The following SYNE1 variants were observed in gnomAD, a reference collection of about 807,000 sequenced individuals.
SYNE1 encodes nesprin-1.
Under a neutral mutation model 1,111.0 loss-of-function variants are expected in SYNE1, and 616 were observed. That is an observed-to-expected ratio of 0.55 (90% confidence interval 0.52 to 0.59). The LOEUF is 0.59. Among genes scored for constraint, SYNE1 ranks in the 20% least tolerant of loss-of-function variants. The pLI is 0.00. For missense variants in SYNE1, 10,006 were observed against 10,417.0 expected (o/e 0.96, Z 1.72); for synonymous variants, 3,855 against 3,825.8 (o/e 1.01, Z -0.28).
intron 138 of SYNE1, among the ~76,000 whole-genome samples, chr6:152,142,062 G>A (rs2058650868): frequency 6.6e-6 from 1 of 151,862 alleles, no homozygotes; most frequent in Admixed American, 6.6e-5. Context: ...GACAGAGTGT[G>A]AGACCCTGTC....
chr6:152,576,738 C>T (rs1398700734), intron 3 of SYNE1, among the ~76,000 whole-genome samples: 1 of 152,152 alleles, frequency 6.6e-6, no homozygotes, highest in African/African-American at 2.4e-5. Context: ...TTACACTCCT[C>T]TAAATCTGGC....
At position 152,425,383 on chromosome 6, in the gene SYNE1, TTTG is replaced by T; in HGVS notation, c.5262_5264del (p.Asn1754del). On this transcript the variant is annotated inframe_deletion, in exon 39 of 146. Transcript: ENST00000367255. ...AAGATTTATCTTTTAGAACCAACCT[TTTG>T]TTAATGATCTGTGGTAAATCTCTCC... 1 of 1,614,054 alleles carries T rather than the reference TTTG, an allele frequency of 6.2e-7. No homozygotes were observed. The highest frequency in any genetic ancestry group is 8.5e-7 in the Non-Finnish European group (1 of 1,179,928).
chr6:152,137,333 C>A (rs1386182195), intron 140 of SYNE1, among the ~76,000 whole-genome samples: 1 of 152,110 alleles, frequency 6.6e-6, no homozygotes, highest in Non-Finnish European at 1.5e-5. Context: ...TCAACCACAA[C>A]AAAATTCAAA....
intron 31 of SYNE1, among the ~76,000 whole-genome samples, chr6:152,441,856 ACT>A (rs2098533430): frequency 6.6e-6 from 1 of 152,024 alleles, no homozygotes. Flanking sequence ...TAGTCCTCAA[ACT>A]CTTTCTTCTT....
At chr6:152,403,637 G>C (rs892810122) in intron 46 of SYNE1, among the ~76,000 whole-genome samples, 1 of 152,092 alleles carries the variant, frequency 6.6e-6, no homozygotes, top group African/African-American at 2.4e-5. Context: ...TGGGAGAATT[G>C]CTTGAGCTTG....
intron 3 of SYNE1, among the ~76,000 whole-genome samples, chr6:152,625,287 T>G (rs2099683519): frequency 1.3e-5 from 2 of 152,186 alleles, no homozygotes; most frequent in African/African-American, 4.8e-5. Flanking sequence ...GATTGGCCCC[T>G]CTTTGGACTT....
chr6:152,142,955 G>C (rs1455854218), intron 138 of SYNE1, among the ~76,000 whole-genome samples: 7 of 152,168 alleles, frequency 4.6e-5, no homozygotes. Context: ...GAAGAGACTG[G>C]CTTTAAAATT....
intron 103 of SYNE1, 134 bp from the exon 104 acceptor site, chr6:152,255,223 C>T (rs1455997060): frequency 6.2e-6 from 5 of 809,636 alleles, no homozygotes; most frequent in African/African-American, 3.5e-5. Flanking sequence ...CAACTGGAAC[C>T]TCTTTCAAAT....
At chr6:152,511,544 G>A (rs746884752) in intron 6 of SYNE1, 1 of 1,609,000 alleles carries the variant, frequency 6.2e-7, no homozygotes. Flanking sequence ...AAAATCAGGA[G>A]TTAAGAATTC....
chr6:152,547,807 T>C (rs2099321604), intron 3 of SYNE1, among the ~76,000 whole-genome samples: 1 of 152,190 alleles, frequency 6.6e-6, no homozygotes, highest in African/African-American at 2.4e-5. Flanking sequence ...TAGCATAATG[T>C]CCTTCAGGTT....
chr6:152,469,147 T>C (rs753917520), intron 16 of SYNE1, among the ~76,000 whole-genome samples: 7 of 152,042 alleles, frequency 4.6e-5, no homozygotes, highest in Non-Finnish European at 8.8e-5. Context: ...CTGACTTTGG[T>C]GATTTGTGAT....
At chr6:152,558,976 TTTTATTTATTTATTTATTTATTTATTTA>T (rs76946853) in intron 3 of SYNE1, among the ~76,000 whole-genome samples, 1 of 139,964 alleles carries the variant, frequency 7.1e-6, no homozygotes, top group African/African-American at 2.7e-5. Flanking sequence ...CATATTTAAT[TTTTATTTATTTATTTATTTATTTATTTA>T]TTTATTTATT....
At chr6:152,229,436 G>A (rs185348639) in intron 115 of SYNE1, among the ~76,000 whole-genome samples, 10 of 152,212 alleles carry the variant, frequency 6.6e-5, no homozygotes, top group Admixed American at 2.6e-4. Context: ...CTTTCAATCC[G>A]CATCCCTCAG....
At chr6:152,457,667 T>C (rs1465848180) in intron 22 of SYNE1, among the ~76,000 whole-genome samples, 2 of 152,198 alleles carry the variant, frequency 1.3e-5, no homozygotes. Flanking sequence ...TCAGAGGTTA[T>C]GGATACTGGA....
chr6:152,239,778 GC>G, intron 107 of SYNE1, 72 bp from the exon 108 acceptor site: 1 of 1,563,322 alleles, frequency 6.4e-7, no homozygotes, highest in Non-Finnish European at 8.8e-7. Context: ...TTGGTTTAGG[GC>G]CGGGTGCGGT....
intron 11 of SYNE1, among the ~76,000 whole-genome samples, chr6:152,497,324 T>C (rs986611975): frequency 4.6e-5 from 7 of 152,194 alleles, no homozygotes; most frequent in African/African-American, 1.7e-4. Flanking sequence ...CTTCAATTCT[T>C]CCCAGGATGT....
intron 124 of SYNE1, among the ~76,000 whole-genome samples, chr6:152,209,694 G>A (rs902237214): frequency 6.6e-6 from 1 of 151,612 alleles, no homozygotes; most frequent in African/African-American, 2.4e-5. Context: ...AGGTTGCAGT[G>A]AGCCGAGATA....
At chr6:152,606,072 A>G (rs577275539) in intron 3 of SYNE1, among the ~76,000 whole-genome samples, 5 of 152,148 alleles carry the variant, frequency 3.3e-5, no homozygotes, top group African/African-American at 4.8e-5. Context: ...AATACCCTCC[A>G]TGTTCACAGT....
chr6:152,206,208 C>CGCAT lies in SYNE1; in HGVS notation c.22975_22978dup (p.Arg7660HisfsTer21). On this transcript the variant is annotated frameshift_variant, in exon 126 of 146. Transcript: ENST00000367255. LOFTEE classifies it high-confidence loss of function. ...TAGTTTTTTCTTCTGTTCTTCCAGC[C>CGCAT]GCATGCTGGCTGATTTCCATTTCTC... 2 of 1,613,752 alleles carry CGCAT rather than the reference C, an allele frequency of 1.2e-6. No homozygotes were observed. Among genetic ancestry groups the CGCAT allele is most frequent in the Non-Finnish European group, 1.7e-6 (2 of 1,180,014 alleles).
Sources: allele counts gnomAD v4.1 joint callset (sites outside exome capture counted in the v4.1 genomes callset), GRCh38; gene constraint gnomAD v4.1.1; transcripts MANE v1.5; gene names NCBI Gene and HGNC (gene_info 2026-07-23, HGNC 2026-07-21).